SLC60A2: variants seen among roughly 807,000 people sequenced by gnomAD.
The protein encoded by SLC60A2 is major facilitator superfamily domain containing 4B.
At chr6:111,268,518 A>C in the SLC60A2 span, 2 of 152,250 alleles carry the variant, frequency 1.3e-5, no homozygotes, top group Non-Finnish European at 2.9e-5. Flanking sequence ...TTTATATGCT[A>C]ATATTCTATG....
the SLC60A2 span, chr6:111,278,312 A>C: frequency 6.6e-6 from 1 of 152,196 alleles, no homozygotes; most frequent in African/African-American, 2.4e-5. Context: ...ACCAAGGATA[A>C]AATTTCTTAG....
chr6:111,277,082 G>A, the SLC60A2 span, among the ~76,000 whole-genome samples: 5 of 152,324 alleles, frequency 3.3e-5, no homozygotes, highest in South Asian at 8.3e-4. Context: ...CATCCAGAAA[G>A]TGGCTACTTC....
At chr6:111,278,803 G>A in the SLC60A2 span, 3 of 152,134 alleles carry the variant, frequency 2.0e-5, no homozygotes, top group Non-Finnish European at 4.4e-5. Context: ...AATGATATAG[G>A]AAGTTCTTAG....
the SLC60A2 span, among the ~76,000 whole-genome samples, chr6:111,276,773 G>C: frequency 6.6e-6 from 1 of 152,132 alleles, no homozygotes; most frequent in Non-Finnish European, 1.5e-5. Flanking sequence ...ACGATAAATG[G>C]GCTGCTCTCT....
chr6:111,279,540 G>A, the SLC60A2 span, among the ~76,000 whole-genome samples: 8 of 150,116 alleles, frequency 5.3e-5, no homozygotes, highest in Non-Finnish European at 7.4e-5. Flanking sequence ...GAGCCACCGC[G>A]CCTAGCCTGT....
chr6:111,259,959 G>A, the SLC60A2 span, among the ~76,000 whole-genome samples: 1 of 137,460 alleles, frequency 7.3e-6, no homozygotes, highest in African/African-American at 2.8e-5. Flanking sequence ...TGCCCAGGCT[G>A]GAGTGCAGTG....
At chr6:111,271,680 G>C in the SLC60A2 span, among the ~76,000 whole-genome samples, 4 of 139,850 alleles carry the variant, frequency 2.9e-5, 1 homozygote, top group African/African-American at 1.0e-4. Context: ...GCTCACACCT[G>C]TAATCACAGC....
chr6:111,265,609 A>G, the SLC60A2 span, among the ~76,000 whole-genome samples: 2 of 152,106 alleles, frequency 1.3e-5, no homozygotes, highest in African/African-American at 4.8e-5. Flanking sequence ...CGTCTTGCTA[A>G]TGTGCTTGGT....
the SLC60A2 span, among the ~76,000 whole-genome samples, chr6:111,271,876 G>A: frequency 1.4e-5 from 2 of 147,320 alleles, no homozygotes; most frequent in South Asian, 2.2e-4. Context: ...GCTGAGGCAC[G>A]AGAATCACTT....
the SLC60A2 span, chr6:111,269,038 C>A: frequency 4.6e-5 from 7 of 152,106 alleles, no homozygotes; most frequent in Non-Finnish European, 1.0e-4. Context: ...TATAAATTTG[C>A]CATTGTTTTG....
chr6:111,272,044 AT>A, the SLC60A2 span, among the ~76,000 whole-genome samples: 1 of 152,046 alleles, frequency 6.6e-6, no homozygotes, highest in African/African-American at 2.4e-5. Context: ...CTTAAAAGTT[AT>A]TTTTATTTTT....
the SLC60A2 span, among the ~76,000 whole-genome samples, chr6:111,262,670 C>T: frequency 6.6e-6 from 1 of 152,116 alleles, no homozygotes; most frequent in South Asian, 2.1e-4. Context: ...TTAGCCTTTC[C>T]AACCACTATA....
the SLC60A2 span, among the ~76,000 whole-genome samples, chr6:111,260,352 T>G: frequency 1.3e-5 from 2 of 152,216 alleles, no homozygotes; most frequent in Non-Finnish European, 2.9e-5. Context: ...AATTTCTTCC[T>G]GGTGATCTGA....
chr6:111,262,780 T>C, the SLC60A2 span, among the ~76,000 whole-genome samples: 1 of 152,158 alleles, frequency 6.6e-6, no homozygotes, highest in Non-Finnish European at 1.5e-5. Context: ...CAGAATGAGC[T>C]CTTTGAACCT....
At chr6:111,272,871 C>T in the SLC60A2 span, among the ~76,000 whole-genome samples, 25 of 152,078 alleles carry the variant, frequency 1.6e-4, no homozygotes, top group African/African-American at 5.6e-4. Flanking sequence ...GCTCTTGTCA[C>T]CCAGGCTGGA....
the SLC60A2 span, chr6:111,266,276 C>T: frequency 6.2e-7 from 1 of 1,614,008 alleles, no homozygotes; most frequent in East Asian, 2.2e-5. Flanking sequence ...TTCTGTTCTT[C>T]TTTTTTTATG....
chr6:111,274,961 T>C, the SLC60A2 span, among the ~76,000 whole-genome samples: 1 of 152,304 alleles, frequency 6.6e-6, no homozygotes, highest in South Asian at 2.1e-4. Context: ...CTCCCTCTAT[T>C]GCCCATCATG....
At chr6:111,264,517 C>T in the SLC60A2 span, among the ~76,000 whole-genome samples, 9 of 152,162 alleles carry the variant, frequency 5.9e-5, no homozygotes, top group East Asian at 1.9e-4. Context: ...AGGCCGGGTG[C>T]GGTGGCTCAC....
At chr6:111,277,414 C>G in the SLC60A2 span, among the ~76,000 whole-genome samples, 1 of 152,196 alleles carries the variant, frequency 6.6e-6, no homozygotes, top group African/African-American at 2.4e-5. Context: ...AGAGGAGTCC[C>G]AGTTTGCAAG....
Sources: allele counts gnomAD v4.1 joint callset (sites outside exome capture counted in the v4.1 genomes callset), GRCh38; gene constraint gnomAD v4.1.1; transcripts MANE v1.5; gene names NCBI Gene and HGNC (gene_info 2026-07-23, HGNC 2026-07-21).